Variants in DST observed in about 807,000 individuals in gnomAD.
The protein encoded by DST is bullous pemphigoid antigen.
In DST, 253 loss-of-function variants were observed where a neutral mutation model predicts 875.2. That is an observed-to-expected ratio of 0.29 (90% CI 0.26 to 0.32). The LOEUF is 0.32. Among genes scored for constraint, DST ranks in the 10% least tolerant of loss-of-function variants. The pLI is 1.00. For synonymous variants in DST, 3,124 were observed against 3,197.1 expected (o/e 0.98, Z 0.77); for missense variants, 8,287 against 9,111.6 (o/e 0.91, Z 3.68).
rs144484495 is a variant in DST, at chr6:56,724,202, T to C, written c.687+11026A>G. Among the ~76,000 whole-genome samples, 215 of 152,314 alleles carry C rather than the reference T, an allele frequency of 1.4e-3. 1 individual carries two copies. Among genetic ancestry groups the C allele is most frequent in the African/African-American group, 4.9e-3 (205 of 41,562 alleles). On this transcript the variant is annotated intron_variant, in intron 5 of 103. Coordinates refer to ENST00000680361, the MANE Select transcript of DST (RefSeq NM_001374736.1). ...AAATTAAAGTTAGATGTTTAAGACA[T>C]TTGGGAACAATAACAAACTATGAGG...
At chr6:56,551,094 C>T (rs1434232054) in intron 61 of DST, among the ~76,000 whole-genome samples, 1 of 152,138 alleles carries the variant, frequency 6.6e-6, no homozygotes, top group African/African-American at 2.4e-5. Context: ...GTTTAATAAA[C>T]TGCAAATAAT....
intron 2 of DST, among the ~76,000 whole-genome samples, chr6:56,918,940 C>T (rs1368464673): frequency 6.6e-6 from 1 of 151,940 alleles, no homozygotes; most frequent in East Asian, 1.9e-4. Context: ...TTTTATAAGC[C>T]ATTTTTTTCT....
intron 3 of DST, among the ~76,000 whole-genome samples, chr6:56,853,275 T>C (rs1426738224): frequency 6.6e-6 from 1 of 152,176 alleles, no homozygotes; most frequent in East Asian, 1.9e-4. Context: ...GTAAATAAAA[T>C]TGATTTTCTG....
chr6:56,853,175 T>G (rs1766129868), intron 3 of DST, among the ~76,000 whole-genome samples: 1 of 152,208 alleles, frequency 6.6e-6, no homozygotes, highest in South Asian at 2.1e-4. Context: ...TTATTTTACA[T>G]AAAATTTCAT....
chr6:56,815,661 T>C (rs2099765642), intron 4 of DST, among the ~76,000 whole-genome samples: 1 of 152,170 alleles, frequency 6.6e-6, no homozygotes, highest in Admixed American at 6.5e-5. Flanking sequence ...AGTTCAGAGC[T>C]TGAGCCATTT....
At chr6:56,621,552 A>G (rs1269630669) in intron 36 of DST, among the ~76,000 whole-genome samples, 1 of 152,210 alleles carries the variant, frequency 6.6e-6, no homozygotes, top group African/African-American at 2.4e-5. Flanking sequence ...TTTGTTAAGT[A>G]TAATAGCTTT....
intron 60 of DST, among the ~76,000 whole-genome samples, chr6:56,554,381 G>A (rs185408841): frequency 1.4e-4 from 22 of 152,162 alleles, no homozygotes; most frequent in African/African-American, 5.3e-4. Flanking sequence ...ACCGCTCCTG[G>A]CCACGTCTAT....
chr6:56,554,925 C>G (rs965977536), intron 60 of DST, among the ~76,000 whole-genome samples: 1 of 152,208 alleles, frequency 6.6e-6, no homozygotes, highest in Non-Finnish European at 1.5e-5. Flanking sequence ...ACAAATGCCT[C>G]TCTTTCGCAC....
chr6:56,647,606 C>A (rs1312594953), intron 13 of DST, among the ~76,000 whole-genome samples: 1 of 151,984 alleles, frequency 6.6e-6, no homozygotes, highest in Non-Finnish European at 1.5e-5. Context: ...AAGTAGACCA[C>A]TTTGCTATTA....
rs2152431807 is a variant in DST at position 56,487,136 on chromosome 6, T to C, written c.21015A>G (p.Lys7005=). 1 of 1,613,970 alleles carries C rather than the reference T, an allele frequency of 6.2e-7. No individual in the cohort carries two copies. The highest frequency in any genetic ancestry group is 8.5e-7 in the Non-Finnish European group (1 of 1,179,850). Residue 7005 remains lysine (K), a synonymous_variant, in exon 87 of 104, where the codon AAA becomes AAG. Transcript: ENST00000680361. ...CAGATTTTCCACATATGGTATCCCA[T>C]TTGTCTCTGAGTTCACTCAGCATGT... ...LDDMLSELRD[K]WDTICGKSVE...
intron 9 of DST, among the ~76,000 whole-genome samples, chr6:56,679,642 G>A (rs559720620): frequency 9.2e-4 from 138 of 149,716 alleles, no homozygotes; most frequent in African/African-American, 3.3e-3. Flanking sequence ...ACAGTGCCAC[G>A]TGCCTGCGGT....
intron 10 of DST, among the ~76,000 whole-genome samples, chr6:56,654,572 C>T (rs1255762386): frequency 7.8e-6 from 1 of 129,030 alleles, no homozygotes. Context: ...CTTAAAAGAG[C>T]AATCTCCCCT....
Position 56,529,703 on chromosome 6 carries a change from C to T in DST, c.17340G>A (p.Lys5780=), listed in dbSNP as rs200304225. ...HQAVSIGQSL[K]VLSSREDKDM... ...CTTTATCCTCCCTGGAGCTCAAAACCTTTAAGGACTGGCCAATGCTAACAG... is the reference window on the plus strand; with the variant it reads ...CTTTATCCTCCCTGGAGCTCAAAACTTTTAAGGACTGGCCAATGCTAACAG... The change falls in exon 66 of 104, where the codon AAG becomes AAA. Residue 5780 remains lysine (K), a synonymous_variant. Coordinates refer to ENST00000680361, the MANE Select transcript of DST (RefSeq NM_001374736.1). The T allele has an allele frequency of 4.3e-5, 70 of 1,613,130 alleles. No individual in the cohort carries two copies. The highest frequency in any genetic ancestry group is 5.7e-5 in the Non-Finnish European group (67 of 1,179,650).
At chr6:56,494,728 C>T (rs1438641841) in intron 82 of DST, among the ~76,000 whole-genome samples, 3 of 152,042 alleles carry the variant, frequency 2.0e-5, no homozygotes, top group African/African-American at 4.8e-5. Context: ...GAATATTATT[C>T]TCATTTAGAA....
In DST at chr6:56,903,316, A is replaced by T. The variant is rs145959531; in HGVS notation, c.217-2695T>A. Reference sequence around the variant, plus strand: ...GAGAAAAACTGCATAAAACTTCGCTAAAGTAACCAAATGACAGAGATTAAA... The same window carrying T: ...GAGAAAAACTGCATAAAACTTCGCTTAAGTAACCAAATGACAGAGATTAAA... On this transcript the variant is annotated intron_variant, in intron 2 of 103. Transcript: ENST00000680361. 1.7e-3 allele frequency among the ~76,000 whole-genome samples: 253 copies of T among 152,326 alleles called. 1 individual carries two copies. The highest frequency in any genetic ancestry group is 1.8e-3 in the Non-Finnish European group (123 of 68,036).
intron 2 of DST, among the ~76,000 whole-genome samples, chr6:56,904,787 T>G (rs1795626097): frequency 6.6e-6 from 1 of 152,184 alleles, no homozygotes; most frequent in Non-Finnish European, 1.5e-5. Context: ...CAGGTGTTAA[T>G]AAGAGTTACT....
At position 56,628,734 on chromosome 6, in the gene DST, G is replaced by A. The variant is rs74452477; in HGVS notation, c.4475+516C>T. ...ATTTTATTTGCATTAATATAAGCAC[G>A]AAAGTGAATGAGAAAGGACACGAAT... On this transcript the variant is annotated intron_variant, in intron 32 of 103. Coordinates refer to ENST00000680361, the MANE Select transcript of DST (RefSeq NM_001374736.1). Among the ~76,000 whole-genome samples the A allele has an allele frequency of 2.8e-3, 433 of 152,280 alleles. 3 individuals are homozygous for A. The highest frequency in any genetic ancestry group is 0.017 in the Middle Eastern group (5 of 294).
At position 56,572,718 on chromosome 6, in the gene DST, T is replaced by G. The variant is rs756803173; in HGVS notation, c.13554+29A>C. On this transcript the variant is annotated intron_variant, in intron 52 of 103. Coordinates refer to ENST00000680361, the MANE Select transcript of DST (RefSeq NM_001374736.1). ...TGCCCTAACTATTAATCTATCTGAT[T>G]AGCCTCCTGAGTAGTAAGGGAGGCA... 4.0e-6 allele frequency: 6 copies of G among 1,494,172 alleles called. No individual in the cohort carries two copies. The South Asian group carries it at 8.4e-5, about 21-fold the overall frequency. 92.6% of individuals were successfully genotyped at this position (1,494,172 alleles called of 1,614,324 possible).
chr6:56,671,450 G>A (rs1323591421), intron 9 of DST, among the ~76,000 whole-genome samples: 1 of 152,176 alleles, frequency 6.6e-6, no homozygotes, highest in East Asian at 1.9e-4. Flanking sequence ...ATTTTCTCAT[G>A]AGTCCTTGCT....
Sources: gnomAD v4.1 joint callset for allele counts (sites outside exome capture counted in the v4.1 genomes callset) on GRCh38, gnomAD v4.1.1 for gene constraint, MANE v1.5 for transcripts, NCBI Gene and HGNC (gene_info 2026-07-23, HGNC 2026-07-21) for gene names.